The following HHATL variants were observed in gnomAD, a reference collection of about 807,000 sequenced individuals.
The protein encoded by HHATL is protein-cysteine N-palmitoyltransferase HHAT-like protein.
Under a neutral mutation model 59.7 loss-of-function variants are expected in HHATL, and 49 were observed. The observed-to-expected ratio is 0.82, with a 90% CI of 0.65 to 1.04. The LOEUF (loss-of-function observed/expected upper bound fraction) is 1.04. HHATL is among the 50% of genes least tolerant of loss of function. The pLI is 0.00. For missense variants in HHATL, 605 were observed against 650.8 expected (o/e 0.93, Z 0.77); for synonymous variants, 238 against 257.3 (o/e 0.93, Z 0.72).
chr3:42,697,560 G>GAGGATGTAGA lies in HHATL; in HGVS notation c.803_812dup (p.Thr272LeufsTer31). On this transcript the variant is annotated frameshift_variant, in exon 7 of 12. Coordinates refer to ENST00000441594, the MANE Select transcript of HHATL (RefSeq NM_020707.4). LOFTEE classifies it high-confidence loss of function. The stretch of plus-strand genomic sequence containing the variant: ...CGAACTTGAGGTCGCTGGGGATAGT[G>GAGGATGTAGA]AGGATGTAGAAGAAGTGAAAGAAGA... The GAGGATGTAGA allele has an allele frequency of 1.2e-6, 2 of 1,614,146 alleles. No individual in the cohort carries two copies. The highest frequency in any genetic ancestry group is 1.7e-6 in the Non-Finnish European group (2 of 1,179,990).
intron 9 of HHATL, 92 bp downstream of exon 9, chr3:42,696,750 G>T (rs1159103206): frequency 2.2e-6 from 3 of 1,387,794 alleles, no homozygotes; most frequent in East Asian, 2.5e-5. Context: ...TGGCCCAGGG[G>T]TGATCTTTTA....
At chr3:42,697,236 C>A (rs2125853167) in intron 7 of HHATL, 91 bp from the exon 8 acceptor site, 3 of 1,440,424 alleles carry the variant, frequency 2.1e-6, no homozygotes, top group South Asian at 1.4e-5. Flanking sequence ...TGGGGAGACA[C>A]CAGGCTCTGC....
intron 8 of HHATL, 34 bp from the exon 9 acceptor site, chr3:42,696,911 C>T (rs759771267): frequency 1.9e-6 from 3 of 1,614,144 alleles, no homozygotes; most frequent in Middle Eastern, 3.3e-4. Flanking sequence ...ATGTTGCCAT[C>T]AGGCGCAGAG....
At chr3:42,699,175 G>A (rs751088118) in intron 3 of HHATL, 30 bp from the exon 4 acceptor site, 3 of 1,545,820 alleles carry the variant, frequency 1.9e-6, no homozygotes, top group Middle Eastern at 3.4e-4. Context: ...AAGGAGGTGG[G>A]GCAGGTGAGG....
At position 42,697,648 on chromosome 3, in the gene HHATL, C is replaced by G; in HGVS notation, c.725G>C (p.Gly242Ala). 6.2e-7 allele frequency: 1 copy of G among 1,613,978 alleles called. No homozygotes were observed. Residue 242 changes from glycine to alanine, a missense_variant, in exon 7 of 12, where the codon GGT (glycine) becomes GCT (alanine). Coordinates refer to ENST00000441594, the MANE Select transcript of HHATL (RefSeq NM_020707.4). ...VSQVEPVRRE[G>A]ELWHIRAQAG... is the part of the protein sequence containing the mutation. ...CTGGGCTCGGATGTGCCACAGCTCACCCTCGCGTCTCACTGGCTCCACCTG... is the reference window on the plus strand; with the variant it reads ...CTGGGCTCGGATGTGCCACAGCTCAGCCTCGCGTCTCACTGGCTCCACCTG...
At position 42,700,745 on chromosome 3, in the gene HHATL, G is replaced by A. The variant is rs142208013; in HGVS notation, c.82C>T (p.Arg28Trp). ...VLSGALAYAG[R>W]GLLEASQDGA... ...CCTTGTGAAGCCTCAAGGAGGCCCC[G>A]GCCAGCATAGGCCAGGGCCCCACTC... Residue 28 changes from arginine (R) to tryptophan (W), a missense_variant, in exon 2 of 12, where the codon CGG (arginine) becomes TGG (tryptophan). Arg to Trp is a moderately radical substitution (Grantham distance 101). Coordinates refer to ENST00000441594, the MANE Select transcript of HHATL (RefSeq NM_020707.4). 1,408 of 1,613,546 alleles carry A rather than the reference G, an allele frequency of 8.7e-4. 2 individuals are homozygous for A. Among genetic ancestry groups the A allele is most frequent in the Non-Finnish European group, 1.1e-3 (1,281 of 1,179,676 alleles).
intron 5 of HHATL, 150 bp downstream of exon 5, chr3:42,698,558 C>T: frequency 9.7e-7 from 1 of 1,035,634 alleles, no homozygotes; most frequent in Non-Finnish European, 1.4e-6. Context: ...GATGCAGGTG[C>T]TCACCTTGTG....
intron 9 of HHATL, chr3:42,694,203 T>C (rs964713157): frequency 4.3e-6 from 1 of 230,588 alleles, no homozygotes; most frequent in African/African-American, 2.2e-5. Flanking sequence ...TCCGTCCTCA[T>C]CTCAGTGAAT....
rs781401132 is a variant in HHATL at position 42,697,469 on chromosome 3, G to A, written c.865+39C>T. The A allele has an allele frequency of 3.8e-6, 6 of 1,590,704 alleles. No homozygotes were observed. In the South Asian group the frequency reaches 5.7e-5, roughly 15 times the overall value. ...GGGTGCAGAGGGTCTGTTTTCCTGGGGCGGCAGCCCTGCCCCCATTTCTCT... is the reference window on the plus strand; with the variant it reads ...GGGTGCAGAGGGTCTGTTTTCCTGGAGCGGCAGCCCTGCCCCCATTTCTCT... On this transcript the variant is annotated intron_variant, in intron 7 of 11. Transcript: ENST00000441594.
rs1697435686 is a variant in HHATL at position 42,693,299 on chromosome 3, C to G, written c.1249-81G>C. 11 of 1,558,688 alleles carry G rather than the reference C, an allele frequency of 7.1e-6. No homozygotes were observed. The South Asian group carries it at 1.2e-4, about 16-fold the overall frequency. On this transcript the variant is annotated intron_variant, in intron 10 of 11. Transcript: ENST00000441594. ...ATGGTGGGTCAGCAGCCTTACCCAC[C>G]TGGCCAGTCAGGTCTTGGGGCTATG...
intron 9 of HHATL, among the ~76,000 whole-genome samples, chr3:42,695,420 C>T (rs1429577385): frequency 6.6e-6 from 1 of 152,228 alleles, no homozygotes; most frequent in Non-Finnish European, 1.5e-5. Context: ...TACACCCAGG[C>T]AGCTAAGCCC....
chr3:42,700,799 C>T lies in HHATL; in HGVS notation c.28G>A (p.Ala10Thr), dbSNP rs768200407. The change falls in exon 2 of 12, where the codon GCT becomes ACT. Residue 10 changes from alanine to threonine, a missense_variant. Ala to Thr is a moderately conservative substitution (Grantham distance 58, BLOSUM62 0). Transcript: ENST00000441594. Reference protein sequence around the residue: MGIKTALPAAELGLYSLVLS... With the variant: MGIKTALPATELGLYSLVLS... ...ACCAGAGAGTAGAGGCCCAGCTCAG[C>T]CGCCGGCAATGCTGTCTTGATGCCC... The T allele has an allele frequency of 5.6e-5, 90 of 1,613,898 alleles. No individual in the cohort carries two copies. The highest frequency in any genetic ancestry group is 7.5e-5 in the Non-Finnish European group (88 of 1,179,870).
chr3:42,693,828 A>G lies in HHATL; in HGVS notation c.1047-10T>C. 1 of 1,609,542 alleles carries G rather than the reference A, an allele frequency of 6.2e-7. No individual in the cohort carries two copies. Among genetic ancestry groups the G allele is most frequent in the South Asian group, 1.1e-5 (1 of 90,944 alleles). ...GTGGTTATACACATATCTGCAGGAAAGATGGGAGAAGGGCCACTGGGAGTG... is the reference window on the plus strand; with the variant it reads ...GTGGTTATACACATATCTGCAGGAAGGATGGGAGAAGGGCCACTGGGAGTG... On this transcript the variant is annotated splice_polypyrimidine_tract_variant and intron_variant, in intron 9 of 11. Coordinates refer to ENST00000441594, the MANE Select transcript of HHATL (RefSeq NM_020707.4).
In HHATL at chr3:42,696,855, C is replaced by A; in HGVS notation, c.1033G>T (p.Asp345Tyr). Residue 345 changes from aspartate to tyrosine, a missense_variant, in exon 9 of 12, where the codon GAC becomes TAC. Physicochemically the swap from Asp to Tyr is radical, Grantham distance 160. Coordinates refer to ENST00000441594, the MANE Select transcript of HHATL (RefSeq NM_020707.4). ...AETHFDRGIN[D>Y]WLCKYVYNHI... ...ACTCCTACTCACTTGCAAAGCCAGT[C>A]GTTGATGCCACGGTCAAAGTGCCTG... 2 of 1,614,110 alleles carry A rather than the reference C, an allele frequency of 1.2e-6. No homozygotes were observed. Among genetic ancestry groups the A allele is most frequent in the Non-Finnish European group, 1.7e-6 (2 of 1,179,994 alleles).
At chr3:42,694,045 C>T (rs533244364) in intron 9 of HHATL, 34 of 573,282 alleles carry the variant, frequency 5.9e-5, no homozygotes, top group African/African-American at 5.2e-4. Context: ...CAAATGATCT[C>T]ATCCAGACCC....
At chr3:42,700,696 A>C (rs1575248407) in intron 2 of HHATL, 25 bp downstream of exon 2, 2 of 1,532,324 alleles carry the variant, frequency 1.3e-6, no homozygotes, top group Non-Finnish European at 9.0e-7. Context: ...GGTCCTGTCC[A>C]CCTGCCCCGG....
At chr3:42,697,423 C>G in intron 7 of HHATL, 85 bp downstream of exon 7, 1 of 1,470,406 alleles carries the variant, frequency 6.8e-7, no homozygotes. Context: ...TGCCTCAGCT[C>G]CCCTGACTGT....
intron 9 of HHATL, 45 bp from the exon 10 acceptor site, chr3:42,693,863 G>A: frequency 6.6e-7 from 1 of 1,525,674 alleles, no homozygotes; most frequent in Non-Finnish European, 9.1e-7. Context: ...GTGGGAAAGG[G>A]CAGGGATGAG....
chr3:42,697,173 G>A (rs370414242), intron 7 of HHATL, 28 bp from the exon 8 acceptor site: 2 of 1,511,114 alleles, frequency 1.3e-6, no homozygotes, highest in African/African-American at 2.8e-5. Context: ...TCACTGCCTG[G>A]GGTCCAATCG....
Sources: gnomAD v4.1 joint callset for allele counts (sites outside exome capture counted in the v4.1 genomes callset) on GRCh38, gnomAD v4.1.1 for gene constraint, MANE v1.5 for transcripts, NCBI Gene and HGNC (gene_info 2026-07-23, HGNC 2026-07-21) for gene names.